COPG2: variants seen among roughly 807,000 people sequenced by gnomAD.
COPG2 encodes the protein coat protein complex I subunit gamma 2, also known as coatomer subunit gamma-2.
A neutral mutation model predicts 46.3 loss-of-function variants in COPG2; 37 were observed. The ratio of observed to expected loss-of-function variants is 0.80; its 90% CI spans 0.61 to 1.05. The LOEUF (loss-of-function observed/expected upper bound fraction) is 1.05. COPG2 is among the 50% of genes least tolerant of loss of function. The pLI, the probability that COPG2 is intolerant of heterozygous loss-of-function variation, is 0.00. For missense variants in COPG2, 427 were observed against 387.8 expected (o/e 1.10, Z -0.85); for synonymous variants, 159 against 129.7 (o/e 1.23, Z -1.53).
intron 5 of COPG2, among the ~76,000 whole-genome samples, chr7:130,651,601 C>G (rs1220045480): frequency 6.8e-6 from 1 of 146,788 alleles, no homozygotes; most frequent in African/African-American, 2.6e-5. Context: ...ACTGCAAGCT[C>G]CGCTTCCCGG....
intron 5 of COPG2, among the ~76,000 whole-genome samples, chr7:130,643,499 A>C (rs1453775293): frequency 3.9e-5 from 6 of 152,092 alleles, no homozygotes; most frequent in African/African-American, 1.4e-4. Flanking sequence ...CTTTGTTTAT[A>C]TGGGGATTAA....
At chr7:130,635,984 G>A (rs1795329562) in intron 5 of COPG2, among the ~76,000 whole-genome samples, 1 of 152,138 alleles carries the variant, frequency 6.6e-6, no homozygotes, top group Non-Finnish European at 1.5e-5. Flanking sequence ...TCAGGGGCAG[G>A]TTGTTCAGTT....
chr7:130,547,539 A>AACAC, intron 20 of COPG2, 135 bp downstream of exon 20: 1 of 395,184 alleles, frequency 2.5e-6, no homozygotes, highest in Non-Finnish European at 4.4e-6. Flanking sequence ...CACACACACA[A>AACAC]ACACACACAC....
At chr7:130,598,070 G>A (rs1407025432) in intron 9 of COPG2, among the ~76,000 whole-genome samples, 1 of 152,174 alleles carries the variant, frequency 6.6e-6, no homozygotes, top group African/African-American at 2.4e-5. Context: ...AAACCTGTAG[G>A]AAATGGTTGC....
At chr7:130,630,497 TCA>T (rs1242946564) in intron 5 of COPG2, among the ~76,000 whole-genome samples, 1 of 152,226 alleles carries the variant, frequency 6.6e-6, no homozygotes, top group Admixed American at 6.5e-5. Flanking sequence ...GCAAAGAGTC[TCA>T]GTTTTCTTGT....
chr7:130,556,189 A>G (rs1190360272), intron 12 of COPG2, among the ~76,000 whole-genome samples: 1 of 152,116 alleles, frequency 6.6e-6, no homozygotes, highest in Non-Finnish European at 1.5e-5. Context: ...CTTTTTTCCG[A>G]AGGAAAACAT....
intron 9 of COPG2, among the ~76,000 whole-genome samples, chr7:130,573,874 G>GA (rs1336878670): frequency 3.8e-4 from 58 of 152,096 alleles, no homozygotes. Context: ...TAAAGACATA[G>GA]AAAACTGAAA....
At chr7:130,555,817 G>C (rs1355344203) in intron 12 of COPG2, among the ~76,000 whole-genome samples, 3 of 151,992 alleles carry the variant, frequency 2.0e-5, no homozygotes, top group Non-Finnish European at 2.9e-5. Context: ...GTGACAGAGA[G>C]AGACTCTGTC....
chr7:130,511,929 G>T, intron 20 of COPG2: 1 of 481,328 alleles, frequency 2.1e-6, no homozygotes, highest in Non-Finnish European at 4.2e-6. Context: ...AAAAGCTATA[G>T]ATGGGCCGGG....
Position 130,507,707 on chromosome 7 carries a change from G to A in COPG2, c.2364C>T (p.Leu788=), listed in dbSNP as rs1445811257. The A allele has an allele frequency of 1.3e-6, 1 of 780,238 alleles. No individual in the cohort carries two copies. The highest frequency in any genetic ancestry group is 2.4e-6 in the Non-Finnish European group (1 of 417,842). 48.3% of individuals were successfully genotyped at this position (780,238 alleles called of 1,614,324 possible). A position where few individuals can be genotyped will look rare whatever the true frequency, so the allele number is the denominator to read the frequency against. Residue 788 remains leucine, a synonymous_variant, in exon 22 of 24, where the codon CTC becomes CTT. Coordinates refer to ENST00000425248, the MANE Select transcript of COPG2 (RefSeq NM_012133.6). ...CACCTTCAAGGGTTTTGGTAGAACT[G>A]AGGGCAAAGGTTTCCTCTTTCTCAA... is the stretch of plus-strand genomic sequence containing the variant. ...DTFEKEETFA[L]SSTKTLEEAV...
chr7:130,540,692 A>G (rs1198620667), intron 20 of COPG2, among the ~76,000 whole-genome samples: 2 of 152,080 alleles, frequency 1.3e-5, no homozygotes, highest in African/African-American at 4.8e-5. Context: ...GTTAAATGGC[A>G]AGTACTAGAA....
chr7:130,617,170 C>T, intron 5 of COPG2, 105 bp from the exon 6 acceptor site: 1 of 587,610 alleles, frequency 1.7e-6, no homozygotes, highest in Middle Eastern at 4.1e-4. Flanking sequence ...AATGCAGCTA[C>T]TAATTCAACA....
intron 9 of COPG2, among the ~76,000 whole-genome samples, chr7:130,606,036 G>A (rs1246777598): frequency 6.6e-6 from 1 of 152,068 alleles, no homozygotes; most frequent in African/African-American, 2.4e-5. Context: ...TAGTTTTGAA[G>A]AGACTTATAA....
chr7:130,514,369 G>C (rs1314258884), intron 20 of COPG2, among the ~76,000 whole-genome samples: 2 of 152,108 alleles, frequency 1.3e-5, no homozygotes, highest in Admixed American at 6.5e-5. Context: ...AGGTACAGAT[G>C]GTAGATGAAA....
intron 9 of COPG2, among the ~76,000 whole-genome samples, chr7:130,598,148 CT>C (rs782792959): frequency 1.4e-4 from 20 of 147,352 alleles, no homozygotes; most frequent in African/African-American, 1.7e-4. Flanking sequence ...CTCAAGGATG[CT>C]TTTTTTTTTG....
rs1316462254 is a variant in COPG2, at chr7:130,571,052, A to G, written c.738-6659T>C. Among the ~76,000 whole-genome samples the G allele has an allele frequency of 1.3e-5, 2 of 152,232 alleles. 1 individual carries two copies. Among genetic ancestry groups the G allele is most frequent in the Non-Finnish European group, 2.9e-5 (2 of 68,030 alleles). On this transcript the variant is annotated intron_variant, in intron 9 of 23. Coordinates refer to ENST00000425248, the MANE Select transcript of COPG2 (RefSeq NM_012133.6). ...CTCACCTTATATAAAAATCAACTCA[A>G]GATGGATCAAAGACTTAAATCTAAG... is the stretch of plus-strand genomic sequence containing the variant.
chr7:130,647,310 T>A (rs1461097815), intron 5 of COPG2, among the ~76,000 whole-genome samples: 1 of 152,170 alleles, frequency 6.6e-6, no homozygotes, highest in Non-Finnish European at 1.5e-5. Context: ...GTGCTGGGAT[T>A]ACAGGTGTGA....
chr7:130,545,743 A>G (rs1225079617), intron 20 of COPG2, among the ~76,000 whole-genome samples: 1 of 152,232 alleles, frequency 6.6e-6, no homozygotes, highest in Non-Finnish European at 1.5e-5. Flanking sequence ...AAAAGAGTCC[A>G]TAGCCAGCAG....
rs970776937 is a variant in COPG2, at chr7:130,506,573, A to C, written c.*103T>G. Reference sequence around the variant, plus strand: ...CCAAATGTTTAATTTGCTTCTCCAAAGTCATTCATCTTCAAAAGTCTGATT... The same window carrying C: ...CCAAATGTTTAATTTGCTTCTCCAACGTCATTCATCTTCAAAAGTCTGATT... On this transcript the variant is annotated 3_prime_UTR_variant, in exon 24 of 24. Transcript: ENST00000425248. The C allele has an allele frequency of 9.6e-6, 5 of 520,152 alleles. No individual in the cohort carries two copies. Among genetic ancestry groups the C allele is most frequent in the African/African-American group, 2.0e-5 (1 of 50,942 alleles). 32.2% of individuals were successfully genotyped at this position (520,152 alleles called of 1,614,324 possible). A position where few individuals can be genotyped will look rare whatever the true frequency, so the allele number is the denominator to read the frequency against.
Sources: allele counts gnomAD v4.1 joint callset (sites outside exome capture counted in the v4.1 genomes callset), GRCh38; gene constraint gnomAD v4.1.1; transcripts MANE v1.5; gene names NCBI Gene and HGNC (gene_info 2026-07-23, HGNC 2026-07-21).